Variants in SERAC1 observed in about 807,000 individuals in gnomAD.
The protein encoded by SERAC1 is serine active site containing 1, also known as protein SERAC1.
In SERAC1, 36 loss-of-function variants were observed where a neutral mutation model predicts 85.7. That is an observed-to-expected ratio of 0.42 (90% confidence interval 0.32 to 0.55). The LOEUF (loss-of-function observed/expected upper bound fraction) is 0.55, where lower values mean the gene tolerates loss of function less well. Ranked by LOEUF, SERAC1 falls within the 20% of genes least tolerant of loss-of-function variation. SERAC1 has a pLI of 0.11. For synonymous variants in SERAC1, 242 were observed against 265.3 expected (o/e 0.91, Z 0.85); for missense variants, 629 against 796.2 (o/e 0.79, Z 2.53).
intron 8 of SERAC1, among the ~76,000 whole-genome samples, chr6:158,134,068 G>A (rs1583579481): frequency 6.6e-6 from 1 of 152,144 alleles, no homozygotes; most frequent in South Asian, 2.1e-4. Flanking sequence ...ATCACCAAAC[G>A]GTGAAGTTGC....
rs1276802867 is a variant in SERAC1 at position 158,119,767 on chromosome 6, T to C, written c.1167-597A>G. Among the ~76,000 whole-genome samples, 1 of 152,196 alleles carries C rather than the reference T, an allele frequency of 6.6e-6. No individual in the cohort carries two copies. Among genetic ancestry groups the C allele is most frequent in the African/African-American group, 2.4e-5 (1 of 41,464 alleles). ...TTACAAATTGTAATTAACCAGGTAA[T>C]CCACTTTTTAATTTAAAAGTTTTTG... is the stretch of plus-strand genomic sequence containing the variant. On this transcript the variant is annotated intron_variant, in intron 11 of 16. Transcript: ENST00000647468. This position sits in a 1 kb window ranked among gnomAD's most constrained non-coding sequence, Gnocchi z 4.5.
chr6:158,135,683 T>C (rs1454330617), intron 8 of SERAC1, among the ~76,000 whole-genome samples: 2 of 152,220 alleles, frequency 1.3e-5, no homozygotes, highest in Non-Finnish European at 2.9e-5. Context: ...ATCAGGTCTG[T>C]ACCTAATGAA....
chr6:158,156,755 TATAAATATATTTTATATATA>T (rs1225107484), intron 2 of SERAC1, among the ~76,000 whole-genome samples: 1 of 141,244 alleles, frequency 7.1e-6, no homozygotes, highest in Admixed American at 7.6e-5. Flanking sequence ...TATTTTTATA[TATAAATATATTTTATATATA>T]ATAAATATAT....
intron 8 of SERAC1, among the ~76,000 whole-genome samples, chr6:158,141,769 G>A (rs1784921381): frequency 1.3e-5 from 2 of 152,180 alleles, no homozygotes; most frequent in African/African-American, 4.8e-5. Flanking sequence ...TCAGCATACA[G>A]AAAGGGCTAT....
At chr6:158,131,346 A>G (rs1784667892) in intron 8 of SERAC1, among the ~76,000 whole-genome samples, 1 of 147,326 alleles carries the variant, frequency 6.8e-6, no homozygotes, top group Admixed American at 6.8e-5. Flanking sequence ...TACATTTATT[A>G]TATACTAATA....
At position 158,120,703 on chromosome 6, in the gene SERAC1, C is replaced by T; in HGVS notation, c.1016-128G>A. The T allele has an allele frequency of 1.0e-6, 1 of 988,966 alleles. No homozygotes were observed. Among genetic ancestry groups the T allele is most frequent in the South Asian group, 1.7e-5 (1 of 57,916 alleles). 61.3% of individuals were successfully genotyped at this position (988,966 alleles called of 1,614,324 possible). A position where few individuals can be genotyped will look rare whatever the true frequency, so the allele number is the denominator to read the frequency against. ...GCGTGTCTGTCCTTGGCGGAGAAGT[C>T]CGACTATTCCAACCCCATTCTGCCC... is the stretch of plus-strand genomic sequence containing the variant. On this transcript the variant is annotated intron_variant, in intron 10 of 16. Transcript: ENST00000647468. This position sits in a 1 kb window ranked among gnomAD's most constrained non-coding sequence, Gnocchi z 4.4.
chr6:158,136,779 A>G (rs540096955), intron 8 of SERAC1, among the ~76,000 whole-genome samples: 1 of 152,174 alleles, frequency 6.6e-6, no homozygotes, highest in East Asian at 1.9e-4. Context: ...GACTCTCTCC[A>G]CCCACCATGT....
chr6:158,159,421 C>T (rs980473832), intron 1 of SERAC1: 1 of 150,850 alleles, frequency 6.6e-6, no homozygotes, highest in African/African-American at 2.4e-5. Context: ...ATTGCTTGAA[C>T]CTGGGACGCT....
chr6:158,133,143 C>CA, intron 8 of SERAC1, among the ~76,000 whole-genome samples: 1 of 151,992 alleles, frequency 6.6e-6, no homozygotes, highest in African/African-American at 2.4e-5. Context: ...CCCATCTCTA[C>CA]AAAAAATTAG....
rs1198464539 is a variant in SERAC1, at chr6:158,119,512, GTATT to G, written c.1167-346_1167-343del. Among the ~76,000 whole-genome samples, 1 of 152,096 alleles carries G rather than the reference GTATT, an allele frequency of 6.6e-6. No homozygotes were observed. Among genetic ancestry groups the G allele is most frequent in the Non-Finnish European group, 1.5e-5 (1 of 68,004 alleles). On this transcript the variant is annotated intron_variant, in intron 11 of 16. Coordinates refer to ENST00000647468, the MANE Select transcript of SERAC1 (RefSeq NM_032861.4). This position sits in a 1 kb window ranked among gnomAD's most constrained non-coding sequence, Gnocchi z 4.5. ...GAGAATATTCTACAAATCAATAAAAGTATTTAAGAAATTAAAGAAGAACGTGCTA... is the reference window on the plus strand; with the variant it reads ...GAGAATATTCTACAAATCAATAAAAGTAAGAAATTAAAGAAGAACGTGCTA...
chr6:158,158,505 T>TA (rs67401045), intron 1 of SERAC1, 141 bp from the exon 2 acceptor site: 904 of 503,382 alleles, frequency 1.8e-3, no homozygotes, highest in South Asian at 2.7e-3. Context: ...ACTTTCCAAT[T>TA]AAAAAAAAAA....
At chr6:158,159,656 G>C (rs1785440552) in intron 1 of SERAC1, among the ~76,000 whole-genome samples, 2 of 149,204 alleles carry the variant, frequency 1.3e-5, no homozygotes, top group South Asian at 2.1e-4. Flanking sequence ...ACAGGGTATG[G>C]CTCTGTCACC....
At chr6:158,144,809 G>C (rs746549436) in intron 6 of SERAC1, among the ~76,000 whole-genome samples, 2 of 152,204 alleles carry the variant, frequency 1.3e-5, no homozygotes, top group Non-Finnish European at 2.9e-5. Context: ...ATGATATGGT[G>C]CTTTGGTATT....
chr6:158,113,538 T>C lies in SERAC1; in HGVS notation c.1739A>G (p.Lys580Arg). 5 of 1,614,028 alleles carry C rather than the reference T, an allele frequency of 3.1e-6. No individual in the cohort carries two copies. The South Asian group carries it at 4.4e-5, about 14-fold the overall frequency. ...QDDFLEFAKDKNFQVLNFVET... is the reference protein window; with the variant it reads ...QDDFLEFAKDRNFQVLNFVET... ...CACAAAATTCAGCACCTGGAAGTTTTTGTCTTTAGCAAACTCCAGAAAGTC... is the reference window on the plus strand; with the variant it reads ...CACAAAATTCAGCACCTGGAAGTTTCTGTCTTTAGCAAACTCCAGAAAGTC... The change falls in exon 16 of 17, where the codon AAA (lysine) becomes AGA (arginine). Residue 580 changes from lysine (K) to arginine (R), a missense_variant. Transcript: ENST00000647468.
chr6:158,123,524 T>C (rs1252760840), intron 10 of SERAC1, among the ~76,000 whole-genome samples: 1 of 152,156 alleles, frequency 6.6e-6, no homozygotes. Context: ...AAGGAACACG[T>C]AGAAGGTTTA....
In SERAC1 at chr6:158,148,854, T is replaced by A; in HGVS notation, c.355+11A>T. 1 of 1,580,050 alleles carries A rather than the reference T, an allele frequency of 6.3e-7. No homozygotes were observed. Among genetic ancestry groups the A allele is most frequent in the Non-Finnish European group, 8.7e-7 (1 of 1,153,710 alleles). On this transcript the variant is annotated intron_variant, in intron 5 of 16. Transcript: ENST00000647468. ...CTGATAAGGATTCCAAGTCATATAG[T>A]GGATATTTACCAGCAAATGGATTCC... is the stretch of plus-strand genomic sequence containing the variant.
chr6:158,129,686 G>GTT (rs1365533903), intron 9 of SERAC1, among the ~76,000 whole-genome samples: 1 of 136,990 alleles, frequency 7.3e-6, no homozygotes, highest in African/African-American at 2.8e-5. Context: ...ATATTTCCTT[G>GTT]TTTTTTTTTG....
At chr6:158,133,308 A>G (rs1488233206) in intron 8 of SERAC1, among the ~76,000 whole-genome samples, 2 of 146,166 alleles carry the variant, frequency 1.4e-5, no homozygotes, top group African/African-American at 2.5e-5. Context: ...CAAACAGACA[A>G]AAAAAAAAAA....
At position 158,114,558 on chromosome 6, in the gene SERAC1, T is replaced by TTAAGA. The variant is rs959377672; in HGVS notation, c.1684+226_1684+230dup. ...TGATTATTTTTCTAATTTTAAGTAT[T>TTAAGA]TAAGATAATATTAAAATTATTACAA... On this transcript the variant is annotated intron_variant, in intron 15 of 16. Coordinates refer to ENST00000647468, the MANE Select transcript of SERAC1 (RefSeq NM_032861.4). The TTAAGA allele has an allele frequency of 3.3e-6, 4 of 1,220,918 alleles. No individual in the cohort carries two copies. The Admixed American group carries it at 1.5e-4, about 46-fold the overall frequency. 75.6% of individuals were successfully genotyped at this position (1,220,918 alleles called of 1,614,324 possible).
Sources: allele counts gnomAD v4.1 joint callset (sites outside exome capture counted in the v4.1 genomes callset), GRCh38; gene constraint gnomAD v4.1.1; non-coding constraint Gnocchi (gnomAD v3.1); transcripts MANE v1.5; gene names NCBI Gene and HGNC (gene_info 2026-07-23, HGNC 2026-07-21).